ATG9B: variants seen among roughly 807,000 people sequenced by gnomAD.
ATG9B encodes autophagy related 9B, also known as autophagy-related protein 9B.
A neutral mutation model predicts 92.9 loss-of-function variants in ATG9B; 92 were observed. The observed-to-expected ratio is 0.99, with a 90% CI of 0.84 to 1.18. The LOEUF (loss-of-function observed/expected upper bound fraction) is 1.18, where lower values mean the gene tolerates loss of function less well. Ranked by LOEUF, ATG9B falls within the 50% of genes most tolerant of loss-of-function variation. The probability of loss-of-function intolerance (pLI) is 0.00; values close to 1 mark genes in which losing one functional copy is unlikely to be tolerated. For missense variants in ATG9B, 1,344 were observed against 1,235.0 expected (o/e 1.09, Z -1.32); for synonymous variants, 599 against 551.4 (o/e 1.09, Z -1.21).
chr7:151,013,434 C>A, downstream of ATG9B: 1 of 1,560,072 alleles, frequency 6.4e-7, no homozygotes, highest in Admixed American at 1.8e-5. Flanking sequence ...GAGGGGAGGA[C>A]TCGCGCTCTC....
intron 11 of ATG9B, 27 bp from the exon 12 acceptor site, chr7:151,016,262 G>C (rs779465284): frequency 1.4e-6 from 2 of 1,480,638 alleles, no homozygotes. Context: ...AGGAATGAGG[G>C]CTGCACCCCA....
At chr7:151,021,948 CG>C (rs1554441181) in intron 4 of ATG9B, among the ~76,000 whole-genome samples, 28 of 149,624 alleles carry the variant, frequency 1.9e-4, no homozygotes, top group African/African-American at 3.5e-4. Context: ...CACGCCCAGC[CG>C]CACTCTTACA....
At chr7:151,013,060 C>T, downstream of ATG9B, 1 of 710,388 alleles carries the variant, frequency 1.4e-6, no homozygotes, top group Non-Finnish European at 2.3e-6. Flanking sequence ...CAGGGCTGTG[C>T]AGGGTCTCTG....
chr7:151,023,398 C>G, intron 3 of ATG9B, 47 bp downstream of exon 3: 1 of 1,607,810 alleles, frequency 6.2e-7, no homozygotes, highest in South Asian at 1.1e-5. Context: ...CAGAAGGAAG[C>G]CATGGGCCCA....
rs781209631 is a variant in ATG9B at position 151,019,279 on chromosome 7, C to T, written c.1059G>A (p.Thr353=). 17 of 1,584,806 alleles carry T rather than the reference C, an allele frequency of 1.1e-5. No individual in the cohort carries two copies. Among genetic ancestry groups the T allele is most frequent in the East Asian group, 4.6e-5 (2 of 43,942 alleles). Residue 353 remains threonine (T), a synonymous_variant, in exon 6 of 14, where the codon ACG becomes ACA. Coordinates refer to ENST00000639579, the MANE Select transcript of ATG9B (RefSeq NM_001317056.2). ...GGLCVQPRPL[T]ELDIHHRILR... is the part of the protein sequence containing the mutation. ...GGATGCGGTGGTGGATGTCCAGCTC[C>T]GTCAGGGGCCGCGGCTGCACGCACA...
In ATG9B at chr7:151,022,216, G is replaced by C. The variant is rs1795779659; in HGVS notation, c.821+829C>G. 1.3e-5 allele frequency among the ~76,000 whole-genome samples: 2 copies of C among 148,536 alleles called. 1 individual carries two copies. On this transcript the variant is annotated intron_variant, in intron 4 of 13. Coordinates refer to ENST00000639579, the MANE Select transcript of ATG9B (RefSeq NM_001317056.2). ...CTGCTGGGAGGGAGGAGGGTGTAGG[G>C]ATGCTGCAGTGATCAGAGACAGTCA... is the stretch of plus-strand genomic sequence containing the variant.
At chr7:151,013,742 C>G, downstream of ATG9B, 1 of 1,609,426 alleles carries the variant, frequency 6.2e-7, no homozygotes, top group East Asian at 2.2e-5. Context: ...GCAGGACATC[C>G]TGAGGACGGA....
chr7:151,017,122 C>T lies in ATG9B; in HGVS notation c.2203G>A (p.Val735Ile), dbSNP rs771530344. 2 of 1,612,588 alleles carry T rather than the reference C, an allele frequency of 1.2e-6. No homozygotes were observed. The highest frequency in any genetic ancestry group is 1.7e-6 in the Non-Finnish European group (2 of 1,179,710). ...CCCCAGGCAGCTGCATCTTGTTGTA[C>T]TCGGCCCCAGAGGTGCCCAAGAAAC... ...SKFLGHLWGR[V>I]QQDAAAWGAT... is the part of the protein sequence containing the mutation. Residue 735 changes from valine to isoleucine, a missense_variant, in exon 9 of 14, where the codon GTA (valine) becomes ATA (isoleucine). Physicochemically the swap from Val to Ile is conservative, Grantham distance 29 (BLOSUM62 3). Transcript: ENST00000639579.
intron 4 of ATG9B, among the ~76,000 whole-genome samples, chr7:151,022,470 G>C (rs1420771082): frequency 6.6e-6 from 1 of 150,380 alleles, no homozygotes; most frequent in Non-Finnish European, 1.5e-5. Context: ...AATGTGGATA[G>C]ATACGACTCC....
Position 151,017,904 on chromosome 7 carries a change from G to A in ATG9B, c.2019C>T (p.Ala673=), listed in dbSNP as rs75805614. 1.2e-3 allele frequency: 1,896 copies of A among 1,610,456 alleles called. 13 individuals are homozygous for A. The African/African-American group carries it at 0.016, about 14-fold the overall frequency. ...VAGVGDICSF[A]LMDVKRHGHP... Reference sequence around the variant, plus strand: ...GTCCGTGGCGCTTCACATCCATAAGGGCAAAGGAACAGATGTCCCCAACCC... The same window carrying A: ...GTCCGTGGCGCTTCACATCCATAAGAGCAAAGGAACAGATGTCCCCAACCC... The change falls in exon 8 of 14, where the codon GCC becomes GCT. Residue 673 remains alanine, a synonymous_variant. Transcript: ENST00000639579.
downstream of ATG9B, chr7:151,012,335 G>T (rs1008484717): frequency 2.9e-5 from 45 of 1,548,284 alleles, no homozygotes; most frequent in Non-Finnish European, 3.4e-5. Context: ...ACCTGATGGA[G>T]TGTCTCTCCT....
At chr7:151,013,865 A>G (rs1388242789), downstream of ATG9B, 4 of 1,603,280 alleles carry the variant, frequency 2.5e-6, no homozygotes, top group African/African-American at 5.3e-5. Context: ...CATCCTGGCG[A>G]CGGAGGGCGA....
chr7:151,013,158 G>A (rs570991376), downstream of ATG9B: 92 of 1,508,066 alleles, frequency 6.1e-5, no homozygotes, highest in Non-Finnish European at 7.7e-5. Context: ...GCTGGGCGAC[G>A]GTGGCCTGTG....
downstream of ATG9B, chr7:151,013,556 G>T (rs1429005861): frequency 2.3e-5 from 6 of 262,990 alleles, no homozygotes; most frequent in Non-Finnish European, 2.8e-5. Context: ...GCCTCCTCCC[G>T]CCCCTGCCCC....
At chr7:151,023,347 A>C in intron 3 of ATG9B, 98 bp downstream of exon 3, 1 of 1,597,688 alleles carries the variant, frequency 6.3e-7, no homozygotes, top group Non-Finnish European at 8.6e-7. Flanking sequence ...TCGGGAAAGC[A>C]TGGGATGGAA....
rs748848999 is a variant in ATG9B, at chr7:151,023,112, G to T, written c.754C>A (p.Pro252Thr). ...GTCACTTTGCTGTGGAACGGCCCAG[G>T]TCTGGTATGGTTACTTGGTTGGTTG... The part of the protein sequence containing the change: ...FANQPSNHTR[P>T]GPFHSKVTLS... Residue 252 changes from proline (P) to threonine (T), a missense_variant, in exon 4 of 14, where the codon CCT (proline) becomes ACT (threonine). Physicochemically the swap from Pro to Thr is conservative, Grantham distance 38. Transcript: ENST00000639579. 1.2e-6 allele frequency: 2 copies of T among 1,614,170 alleles called. No individual in the cohort carries two copies. Among genetic ancestry groups the T allele is most frequent in the Non-Finnish European group, 1.7e-6 (2 of 1,180,032 alleles).
Position 151,018,518 on chromosome 7 carries a change from G to A in ATG9B, c.1719-71C>T, listed in dbSNP as rs1005412541. On this transcript the variant is annotated intron_variant, in intron 6 of 13. Coordinates refer to ENST00000639579, the MANE Select transcript of ATG9B (RefSeq NM_001317056.2). The surrounding 1 kb of genome is among the most constrained non-coding windows in gnomAD (Gnocchi z 4.7). ...ACGCGCGGTGGGATGTAGGGCTAGA[G>A]GGCCCCAGTGGTGGGAGAGGTAAGG... 8 of 1,520,692 alleles carry A rather than the reference G, an allele frequency of 5.3e-6. No individual in the cohort carries two copies. The highest frequency in any genetic ancestry group is 7.0e-6 in the Non-Finnish European group (8 of 1,136,554). 94.2% of individuals were successfully genotyped at this position (1,520,692 alleles called of 1,614,324 possible).
At position 151,017,886 on chromosome 7, in the gene ATG9B, G is replaced by A; in HGVS notation, c.2037C>T (p.Arg679=). 1 of 1,608,436 alleles carries A rather than the reference G, an allele frequency of 6.2e-7. No homozygotes were observed. Among genetic ancestry groups the A allele is most frequent in the Non-Finnish European group, 8.5e-7 (1 of 1,177,330 alleles). The change falls in exon 8 of 14, where the codon CGC becomes CGT. Residue 679 remains arginine (R), a synonymous_variant. Coordinates refer to ENST00000639579, the MANE Select transcript of ATG9B (RefSeq NM_001317056.2). The part of the protein sequence containing the change: ...ICSFALMDVK[R]HGHPQWLSAG... The stretch of plus-strand genomic sequence containing the variant: ...CGGCTCTGACCTGAGGGTGTCCGTG[G>A]CGCTTCACATCCATAAGGGCAAAGG...
In ATG9B at chr7:151,018,860, T is replaced by C. The variant is rs7804893; in HGVS notation, c.1478A>G (p.Asn493Ser). Residue 493 changes from asparagine (N) to serine (S), a missense_variant, in exon 6 of 14, where the codon AAC becomes AGC. By Grantham distance (46) the Asn-to-Ser change is conservative. Transcript: ENST00000639579. The surrounding 1 kb of genome is among the most constrained non-coding windows in gnomAD (Gnocchi z 4.7). ...RLARLQLRHFNELPHELRARL... is the reference protein window; with the variant it reads ...RLARLQLRHFSELPHELRARL... Reference sequence around the variant, plus strand: ...CGCGCGCAGCTCGTGCGGCAGCTCGTTGAAGTGGCGCAGCTGCAAGCGCGC... The same window carrying C: ...CGCGCGCAGCTCGTGCGGCAGCTCGCTGAAGTGGCGCAGCTGCAAGCGCGC... 186,611 of 1,328,898 alleles carry C rather than the reference T, an allele frequency of 0.14. 14,536 individuals are homozygous for C. The highest frequency in any genetic ancestry group is 0.31 in the African/African-American group (19,855 of 64,422). 82.3% of individuals were successfully genotyped at this position (1,328,898 alleles called of 1,614,324 possible).
Sources: gnomAD v4.1 joint callset for allele counts (sites outside exome capture counted in the v4.1 genomes callset) on GRCh38, gnomAD v4.1.1 for gene constraint, Gnocchi (gnomAD v3.1) non-coding constraint, MANE v1.5 for transcripts, NCBI Gene and HGNC (gene_info 2026-07-23, HGNC 2026-07-21) for gene names.